CDKL5: variants seen among roughly 807,000 people sequenced by gnomAD.
CDKL5 encodes the protein cyclin-dependent kinase-like 5.
A neutral mutation model predicts 61.7 loss-of-function variants in CDKL5; 8 were observed. That is an observed-to-expected ratio of 0.13 (90% CI 0.08 to 0.23). CDKL5 has a LOEUF of 0.23. Ranked by LOEUF, CDKL5 falls within the 10% of genes least tolerant of loss-of-function variation. The pLI is 1.00. For missense variants in CDKL5, 440 were observed against 734.5 expected, an observed-to-expected ratio of 0.60 and a Z score of 4.63; for synonymous variants, 275 against 272.3, an observed-to-expected ratio of 1.01 and a Z score of -0.10.
At chrX:18,588,292 C>T (rs781568006) in intron 9 of CDKL5, 149 bp downstream of exon 9, 41 of 421,680 alleles carry the variant, frequency 9.7e-5, no homozygotes, top group Middle Eastern at 5.9e-4. Context: ...ATTTTATTTC[C>T]GAATTTTTTA....
intron 3 of CDKL5, among the ~76,000 whole-genome samples, chrX:18,547,648 C>T (rs1924245393): frequency 8.9e-6 from 1 of 111,753 alleles, no homozygotes; most frequent in African/African-American, 3.3e-5. Flanking sequence ...GTCTCTTCCT[C>T]CTTTTGCTTT....
rs1927221714 is a variant in CDKL5, at chrX:18,631,076, G to A, written c.*2319G>A. 3 of 752,775 alleles carry A rather than the reference G, an allele frequency of 4.0e-6. No homozygotes were observed. The highest frequency in any genetic ancestry group is 4.7e-6 in the Non-Finnish European group (3 of 638,983). 62.0% of individuals were successfully genotyped at this position (752,775 alleles called of 1,213,427 possible). On this transcript the variant is annotated 3_prime_UTR_variant, in exon 18 of 18. Transcript: ENST00000623535. ...TGCCATGCTGTGGCATTCGAGGCTC[G>A]TCACCTAGGGGCTGGTTTCCCATGT... is the stretch of plus-strand genomic sequence containing the variant.
At chrX:18,571,429 CAGCCTTGATAAAGA>C (rs1315701440) in intron 4 of CDKL5, among the ~76,000 whole-genome samples, 1 of 111,193 alleles carries the variant, frequency 9.0e-6, no homozygotes, top group Admixed American at 9.5e-5. Context: ...AACTGGAGCC[CAGCCTTGATAAAGA>C]ATCCTAGCCT....
Position 18,631,217 on chromosome X carries a change from T to A in CDKL5, c.*2460T>A, listed in dbSNP as rs1927227130. ...CTACCTAGAGCAAAGTAAACCTAATTGTTGAAGAGTCAATACGTACTTTTT... is the reference window on the plus strand; with the variant it reads ...CTACCTAGAGCAAAGTAAACCTAATAGTTGAAGAGTCAATACGTACTTTTT... On this transcript the variant is annotated 3_prime_UTR_variant, in exon 18 of 18. Transcript: ENST00000623535. The A allele has an allele frequency of 6.7e-6, 5 of 750,472 alleles. No homozygotes were observed. The highest frequency in any genetic ancestry group is 1.8e-4 in the Admixed American group (2 of 11,298). 61.8% of individuals were successfully genotyped at this position (750,472 alleles called of 1,213,427 possible).
chrX:18,613,356 T>C (rs1240627484), intron 15 of CDKL5, 81 bp downstream of exon 15: 3 of 944,087 alleles, frequency 3.2e-6, no homozygotes, highest in Non-Finnish European at 4.4e-6. Context: ...ATGAGCTTTT[T>C]AGTGTCCTTT....
At position 18,574,386 on chromosome X, in the gene CDKL5, T is replaced by G. The variant is rs189145158; in HGVS notation, c.146-968T>G. Reference sequence around the variant, plus strand: ...CCCAAACTTAGAAAAAGCTTTCAGTTTTTAGACTGTGTTTTGGATTTTGGA... The same window carrying G: ...CCCAAACTTAGAAAAAGCTTTCAGTGTTTAGACTGTGTTTTGGATTTTGGA... On this transcript the variant is annotated intron_variant, in intron 4 of 17. Transcript: ENST00000623535. 5.0e-3 allele frequency among the ~76,000 whole-genome samples: 555 copies of G among 111,797 alleles called. 3 individuals carry two copies. Among genetic ancestry groups the G allele is most frequent in the Middle Eastern group, 0.046 (10 of 217 alleles).
intron 3 of CDKL5, among the ~76,000 whole-genome samples, chrX:18,551,765 T>C (rs1924398869): frequency 1.9e-5 from 2 of 106,757 alleles, no homozygotes; most frequent in South Asian, 8.3e-4. Flanking sequence ...TTTTGTAGTG[T>C]GTGTGTGTGC....
intron 17 of CDKL5, among the ~76,000 whole-genome samples, chrX:18,626,075 T>C (rs1486817651): frequency 9.2e-6 from 1 of 108,397 alleles, no homozygotes; most frequent in Non-Finnish European, 1.9e-5. Flanking sequence ...TGTTTTTTTT[T>C]TTTTTTTTGA....
chrX:18,524,727 A>T (rs1196320039), intron 3 of CDKL5, among the ~76,000 whole-genome samples: 1 of 112,015 alleles, frequency 8.9e-6, no homozygotes, highest in African/African-American at 3.3e-5. Flanking sequence ...GAAGTTTTAT[A>T]CATTTGCATT....
intron 1 of CDKL5, among the ~76,000 whole-genome samples, chrX:18,481,469 C>G (rs1314080526): frequency 9.3e-6 from 1 of 107,195 alleles, no homozygotes; most frequent in Admixed American, 1.0e-4. Flanking sequence ...CCTCCCACCT[C>G]AGCCTCCAGA....
chrX:18,548,674 G>A (rs1179005434), intron 3 of CDKL5, among the ~76,000 whole-genome samples: 3 of 112,090 alleles, frequency 2.7e-5, no homozygotes, highest in East Asian at 5.6e-4. Context: ...ATAACCCAGC[G>A]CAGTGCTTGA....
intron 1 of CDKL5, among the ~76,000 whole-genome samples, chrX:18,474,052 A>C (rs1921212085): frequency 9.1e-6 from 1 of 110,004 alleles, no homozygotes; most frequent in Non-Finnish European, 1.9e-5. Flanking sequence ...TATTTTTGGT[A>C]GAGATGGGGT....
chrX:18,595,440 T>C lies in CDKL5; in HGVS notation c.825+12T>C. The C allele has an allele frequency of 9.7e-7, 1 of 1,031,220 alleles. No individual in the cohort carries two copies. The highest frequency in any genetic ancestry group is 1.4e-6 in the Non-Finnish European group (1 of 730,884). 85.0% of individuals were successfully genotyped at this position (1,031,220 alleles called of 1,213,427 possible). ...TTGACCTAATGAAGGTAAGGCCAATTGATATTATCTCTATAAAATGTCTTT... is the reference window on the plus strand; with the variant it reads ...TTGACCTAATGAAGGTAAGGCCAATCGATATTATCTCTATAAAATGTCTTT... On this transcript the variant is annotated intron_variant, in intron 10 of 17. Transcript: ENST00000623535.
At chrX:18,509,224 CA>C (rs1922726679) in intron 2 of CDKL5, among the ~76,000 whole-genome samples, 1 of 106,885 alleles carries the variant, frequency 9.4e-6, no homozygotes, top group Non-Finnish European at 1.9e-5. Flanking sequence ...CACACACACA[CA>C]CACACACACA....
intron 16 of CDKL5, among the ~76,000 whole-genome samples, chrX:18,621,826 A>G (rs1020219573): frequency 8.9e-6 from 1 of 112,120 alleles, no homozygotes; most frequent in African/African-American, 3.2e-5. Flanking sequence ...TGGGTGAACA[A>G]ATAGACCTGA....
chrX:18,454,239 C>T (rs1305469488), intron 1 of CDKL5, among the ~76,000 whole-genome samples: 2 of 110,796 alleles, frequency 1.8e-5, no homozygotes, highest in African/African-American at 6.5e-5. Flanking sequence ...TTTCTTTCTT[C>T]TTTCTTTTTT....
chrX:18,577,174 G>A (rs1925326765), intron 5 of CDKL5, among the ~76,000 whole-genome samples: 1 of 111,577 alleles, frequency 9.0e-6, no homozygotes, highest in African/African-American at 3.3e-5. Flanking sequence ...TCTATTCATG[G>A]TGGTTGTTCA....
intron 3 of CDKL5, among the ~76,000 whole-genome samples, chrX:18,559,459 G>A (rs924739758): frequency 2.7e-5 from 3 of 110,137 alleles, no homozygotes; most frequent in Non-Finnish European, 3.8e-5. Context: ...CGCCCACCTC[G>A]GCCTCTCAGA....
chrX:18,516,029 C>T (rs1287554099), intron 3 of CDKL5, among the ~76,000 whole-genome samples: 1 of 109,358 alleles, frequency 9.1e-6, no homozygotes, highest in Non-Finnish European at 1.9e-5. Flanking sequence ...ACTGTGTTGC[C>T]CAGGTTGGAG....
Sources: gnomAD v4.1 joint callset for allele counts (sites outside exome capture counted in the v4.1 genomes callset) on GRCh38, gnomAD v4.1.1 for gene constraint, MANE v1.5 for transcripts, NCBI Gene and HGNC (gene_info 2026-07-23, HGNC 2026-07-21) for gene names.